Variants in PCID2 observed in about 807,000 individuals in gnomAD.
The protein encoded by PCID2 is PCI domain containing 2, also known as PCI domain-containing protein 2.
In PCID2, 41 loss-of-function variants were observed where a neutral mutation model predicts 61.3. That is an observed-to-expected ratio of 0.67 (90% confidence interval 0.52 to 0.87). PCID2 has a LOEUF of 0.87. PCID2 is among the 40% of genes least tolerant of loss of function. The probability of loss-of-function intolerance (pLI) is 0.00; values close to 1 mark genes in which losing one functional copy is unlikely to be tolerated. For synonymous variants in PCID2, 187 were observed against 177.8 expected (o/e 1.05, Z -0.41); for missense variants, 392 against 493.4 (o/e 0.79, Z 1.95).
chr13:113,204,925 A>AGCGT (rs1206320438), intron 1 of PCID2, among the ~76,000 whole-genome samples: 1 of 152,038 alleles, frequency 6.6e-6, no homozygotes, highest in African/African-American at 2.4e-5. Context: ...GCACCTTCTG[A>AGCGT]GCGGCACCCC....
chr13:113,181,044 C>CT (rs2037588591), intron 10 of PCID2, 86 bp downstream of exon 10: 1 of 858,988 alleles, frequency 1.2e-6, no homozygotes, highest in Non-Finnish European at 2.0e-6. Context: ...CAACTACAGA[C>CT]TGTCTGCTAG....
intron 6 of PCID2, among the ~76,000 whole-genome samples, chr13:113,192,384 G>A (rs947332077): frequency 6.6e-6 from 1 of 152,224 alleles, no homozygotes; most frequent in Non-Finnish European, 1.5e-5. Context: ...GCACACGGGT[G>A]TCTCATGGCT....
the PCID2 span, among the ~76,000 whole-genome samples, chr13:113,166,598 C>T: frequency 6.6e-6 from 1 of 152,146 alleles, no homozygotes; most frequent in Admixed American, 6.5e-5. Context: ...AGGAAGAAAC[C>T]GAAGGGAGGC....
chr13:113,184,488 C>CTT lies in PCID2; in HGVS notation c.544-2_544-1insAA. On this transcript the variant is annotated splice_acceptor_variant, in intron 8 of 13. Transcript: ENST00000337344. LOFTEE classifies it high-confidence loss of function. ...GTTTACATAAATGGAGTTTGTTGATCTATAATGAATAACAATCCATTTAAA... is the reference window on the plus strand; with the variant it reads ...GTTTACATAAATGGAGTTTGTTGATCTTTATAATGAATAACAATCCATTTAAA... The CTT allele has an allele frequency of 6.4e-7, 1 of 1,553,370 alleles. No homozygotes were observed.
At chr13:113,170,757 A>T in the PCID2 span, among the ~76,000 whole-genome samples, 11 of 152,054 alleles carry the variant, frequency 7.2e-5, no homozygotes, top group Non-Finnish European at 1.5e-4. Flanking sequence ...CAAGGGAGGA[A>T]ATCACAGCCT....
In PCID2 at chr13:113,179,799, G is replaced by A. The variant is rs2037458661; in HGVS notation, c.986+118C>T. On this transcript the variant is annotated intron_variant, in intron 12 of 13. Coordinates refer to ENST00000337344, the MANE Select transcript of PCID2 (RefSeq NM_001127202.4). This position sits in a 1 kb window ranked among gnomAD's most constrained non-coding sequence, Gnocchi z 4.3. ...CTTCATTTTATCCCACACAATGGAAGGAAGATAACGACCCCACCCACACGG... is the reference window on the plus strand; with the variant it reads ...CTTCATTTTATCCCACACAATGGAAAGAAGATAACGACCCCACCCACACGG... 5 of 989,910 alleles carry A rather than the reference G, an allele frequency of 5.1e-6. No individual in the cohort carries two copies. Among genetic ancestry groups the A allele is most frequent in the Admixed American group, 2.7e-5 (1 of 37,324 alleles). The allele number at this position is 989,910 out of a possible 1,614,324, so 61.3% of individuals were successfully genotyped here. A position where few individuals can be genotyped will look rare whatever the true frequency, so the allele number is the denominator to read the frequency against.
intron 1 of PCID2, 156 bp downstream of exon 1, chr13:113,208,443 C>T (rs1037313276): frequency 6.6e-6 from 10 of 1,517,600 alleles, no homozygotes; most frequent in African/African-American, 5.6e-5. Flanking sequence ...TCCCGGCCGC[C>T]GCTGTTCGGC....
At chr13:113,200,961 CA>C (rs2039385529) in intron 1 of PCID2, among the ~76,000 whole-genome samples, 1 of 152,014 alleles carries the variant, frequency 6.6e-6, no homozygotes, top group South Asian at 2.1e-4. Flanking sequence ...AGCAAAAAAA[CA>C]GGTTAAGCAA....
In PCID2 at chr13:113,180,222, G is replaced by A; in HGVS notation, c.796C>T (p.Pro266Ser). 6.2e-7 allele frequency: 1 copy of A among 1,612,224 alleles called. No homozygotes were observed. Among genetic ancestry groups the A allele is most frequent in the Non-Finnish European group, 8.5e-7 (1 of 1,178,340 alleles). Residue 266 changes from proline (P) to serine (S), a missense_variant, in exon 11 of 14, where the codon CCC becomes TCC. Pro to Ser is a moderately conservative substitution (Grantham distance 74). Coordinates refer to ENST00000337344, the MANE Select transcript of PCID2 (RefSeq NM_001127202.4). ...TACTTTTTCAGGAGCTCCACAGTGG[G>A]CATGTGACCCTAAGAGTCAATTTTC... Reference protein sequence around the residue: ...LPVKMLLGHMPTVELLKKYHL... With the variant: ...LPVKMLLGHMSTVELLKKYHL...
chr13:113,204,314 C>G (rs537219205), intron 1 of PCID2, among the ~76,000 whole-genome samples: 6 of 152,234 alleles, frequency 3.9e-5, no homozygotes, highest in Admixed American at 3.9e-4. Context: ...CTATGAGTGA[C>G]TGAAAGCTGA....
At position 113,197,237 on chromosome 13, in the gene PCID2, A is replaced by G; in HGVS notation, c.207T>C (p.Thr69=). Residue 69 remains threonine, a synonymous_variant, in exon 4 of 14, where the codon ACT becomes ACC. Coordinates refer to ENST00000337344, the MANE Select transcript of PCID2 (RefSeq NM_001127202.4). ...DEMFAAHLRC[T]YAVGNHDFIE... ...TGAAGTCATGATTCCCCACTGCATA[A>G]GTGCACCTGGAGGAGAAACAGAAAC... The G allele has an allele frequency of 6.2e-7, 1 of 1,609,818 alleles. No individual in the cohort carries two copies. Among genetic ancestry groups the G allele is most frequent in the Non-Finnish European group, 8.5e-7 (1 of 1,176,050 alleles).
intron 2 of PCID2, 124 bp downstream of exon 2, chr13:113,200,303 T>C: frequency 1.5e-6 from 1 of 650,164 alleles, no homozygotes; most frequent in Non-Finnish European, 2.7e-6. Context: ...TAAAGAAACT[T>C]TAAAATTTTC....
chr13:113,168,879 C>T, the PCID2 span, among the ~76,000 whole-genome samples: 2 of 152,086 alleles, frequency 1.3e-5, no homozygotes, highest in African/African-American at 2.4e-5. Context: ...TAGGTGTGCA[C>T]GACCACACAC....
At position 113,184,392 on chromosome 13, in the gene PCID2, T is replaced by C. The variant is rs762789362; in HGVS notation, c.639A>G (p.Lys213=). The change falls in exon 9 of 14, where the codon AAA becomes AAG. Residue 213 remains lysine (K), a synonymous_variant. Transcript: ENST00000337344. The part of the protein sequence containing the change: ...DYSTAQRVTY[K]YYVGRKAMFD... ...ACATAGCCTTGCGTCCAACGTAGTA[T>C]TTGTATGTTACTCTCTGTGCAGTGC... is the stretch of plus-strand genomic sequence containing the variant. 3.1e-6 allele frequency: 5 copies of C among 1,612,918 alleles called. No individual in the cohort carries two copies. The South Asian group carries it at 4.4e-5, about 14-fold the overall frequency.
At position 113,200,884 on chromosome 13, in the gene PCID2, T is replaced by C. The variant is rs539282263; in HGVS notation, c.37-368A>G. On this transcript the variant is annotated intron_variant, in intron 1 of 13. Coordinates refer to ENST00000337344, the MANE Select transcript of PCID2 (RefSeq NM_001127202.4). The stretch of plus-strand genomic sequence containing the variant: ...TGCTTGAGCCAGGAGTTCGAGACCA[T>C]CCTGGACAACATAGCAAGACCCGTC... Among the ~76,000 whole-genome samples, 113 of 151,930 alleles carry C rather than the reference T, an allele frequency of 7.4e-4. 1 individual carries two copies. The highest frequency in any genetic ancestry group is 1.3e-3 in the Non-Finnish European group (91 of 67,954).
intron 1 of PCID2, among the ~76,000 whole-genome samples, chr13:113,206,210 A>T (rs1402372847): frequency 6.6e-6 from 1 of 152,200 alleles, no homozygotes; most frequent in African/African-American, 2.4e-5. Context: ...AATTCTCACA[A>T]CTTATGTGAA....
downstream of PCID2, among the ~76,000 whole-genome samples, chr13:113,173,519 G>A (rs1012802658): frequency 1.3e-5 from 2 of 152,126 alleles, no homozygotes; most frequent in Admixed American, 1.3e-4. Context: ...ATATTCTCTT[G>A]AGTTGAGAAC....
At chr13:113,189,866 T>C (rs1382535032) in intron 7 of PCID2, among the ~76,000 whole-genome samples, 3 of 151,900 alleles carry the variant, frequency 2.0e-5, no homozygotes, top group African/African-American at 4.8e-5. Context: ...CTACTAAAAA[T>C]ACAAAAAGTA....
At chr13:113,195,726 A>G (rs1456560565) in intron 5 of PCID2, among the ~76,000 whole-genome samples, 1 of 152,160 alleles carries the variant, frequency 6.6e-6, no homozygotes, top group Non-Finnish European at 1.5e-5. Flanking sequence ...TTATTTCAGT[A>G]TAAACAAATT....
Sources: allele counts gnomAD v4.1 joint callset (sites outside exome capture counted in the v4.1 genomes callset), GRCh38; gene constraint gnomAD v4.1.1; non-coding constraint Gnocchi (gnomAD v3.1); transcripts MANE v1.5; gene names NCBI Gene and HGNC (gene_info 2026-07-23, HGNC 2026-07-21).